RANBP17: variants seen among roughly 807,000 people sequenced by gnomAD.
The protein encoded by RANBP17 is RAN binding protein 17, also known as ran-binding protein 17.
RANBP17 carries 158 observed loss-of-function variants against 141.2 expected under a neutral mutation model. The observed-to-expected ratio is 1.12, with a 90% confidence interval of 0.98 to 1.28. The LOEUF (loss-of-function observed/expected upper bound fraction) is 1.28, where lower values mean the gene tolerates loss of function less well. RANBP17 is among the 50% of genes most tolerant of loss of function. RANBP17 has a pLI of 0.00. For missense variants in RANBP17, 1,438 were observed against 1,290.7 expected (o/e 1.11, Z -1.75); for synonymous variants, 430 against 450.0 (o/e 0.96, Z 0.56).
rs1019018624 is a variant in RANBP17, at chr5:171,065,123, T to G, written c.1710+96746T>G. Reference sequence around the variant, plus strand: ...TATTTCTTTTGGTGCATATATAGATTTACTTTTTATATTTATATCTCTGAT... The same window carrying G: ...TATTTCTTTTGGTGCATATATAGATGTACTTTTTATATTTATATCTCTGAT... On this transcript the variant is annotated intron_variant, in intron 14 of 27. Coordinates refer to ENST00000523189, the MANE Select transcript of RANBP17 (RefSeq NM_022897.5). Among the ~76,000 whole-genome samples, 5 of 152,200 alleles carry G rather than the reference T, an allele frequency of 3.3e-5. No homozygotes were observed. In the South Asian group the frequency reaches 8.3e-4, roughly 25 times the overall value.
At chr5:171,012,276 G>C (rs1300755606) in intron 14 of RANBP17, among the ~76,000 whole-genome samples, 2 of 151,986 alleles carry the variant, frequency 1.3e-5, no homozygotes, top group East Asian at 3.9e-4. Flanking sequence ...AAGTTCATAT[G>C]GTTATCCTGG....
At chr5:171,179,499 T>C (rs190354652) in intron 16 of RANBP17, among the ~76,000 whole-genome samples, 1 of 152,314 alleles carries the variant, frequency 6.6e-6, no homozygotes, top group Admixed American at 6.5e-5. Context: ...CATGTAATAT[T>C]GTCATCTGTG....
intron 6 of RANBP17, chr5:170,910,393 C>T (rs1771434080): frequency 1.3e-5 from 2 of 152,474 alleles, no homozygotes; most frequent in South Asian, 2.1e-4. Context: ...GGTTTAGTAA[C>T]ATGACAACTG....
At chr5:171,039,723 A>T (rs1311563751) in intron 14 of RANBP17, among the ~76,000 whole-genome samples, 2 of 152,154 alleles carry the variant, frequency 1.3e-5, no homozygotes, top group Non-Finnish European at 2.9e-5. Context: ...AATACAAAGG[A>T]TTCTCAGAGA....
chr5:171,166,405 G>A (rs1759699934), intron 14 of RANBP17, among the ~76,000 whole-genome samples: 1 of 150,860 alleles, frequency 6.6e-6, no homozygotes, highest in African/African-American at 2.4e-5. Flanking sequence ...AAGAGACAAG[G>A]AATCTGTGGA....
At chr5:171,083,379 A>G (rs887024046) in intron 14 of RANBP17, among the ~76,000 whole-genome samples, 2 of 152,152 alleles carry the variant, frequency 1.3e-5, no homozygotes, top group African/African-American at 4.8e-5. Context: ...GCAACCCAGA[A>G]GAGGGCCCTC....
At chr5:171,188,902 C>T (rs1428108374) in intron 18 of RANBP17, among the ~76,000 whole-genome samples, 1 of 152,084 alleles carries the variant, frequency 6.6e-6, no homozygotes, top group African/African-American at 2.4e-5. Context: ...AGCAAATTTG[C>T]TCTTATTTAG....
intron 25 of RANBP17, among the ~76,000 whole-genome samples, chr5:171,282,454 ATGTTGT>A (rs11269694): frequency 0.013 from 1,916 of 149,548 alleles, 30 homozygotes; most frequent in African/African-American, 0.032. Context: ...AGAAAGCTGC[ATGTTGT>A]TGTTGTTGTT....
At chr5:170,996,472 T>C (rs1035356629) in intron 14 of RANBP17, among the ~76,000 whole-genome samples, 1 of 152,158 alleles carries the variant, frequency 6.6e-6, no homozygotes, top group Non-Finnish European at 1.5e-5. Flanking sequence ...CTGTGTAAAA[T>C]AGCTTTTCAG....
intron 12 of RANBP17, among the ~76,000 whole-genome samples, chr5:170,932,001 A>G (rs1202142357): frequency 2.0e-5 from 3 of 152,110 alleles, no homozygotes; most frequent in African/African-American, 4.8e-5. Flanking sequence ...CTTGGGCAGT[A>G]TGGCCATTTT....
chr5:171,077,767 T>G (rs1785023548), intron 14 of RANBP17, among the ~76,000 whole-genome samples: 1 of 152,236 alleles, frequency 6.6e-6, no homozygotes, highest in South Asian at 2.1e-4. Context: ...AAAGTGCTAC[T>G]TCAGTGAACA....
chr5:171,012,053 ATTATTTGTTTAAACGAATATATTGT>A (rs1561986098), intron 14 of RANBP17, among the ~76,000 whole-genome samples: 8 of 133,672 alleles, frequency 6.0e-5, no homozygotes, highest in Middle Eastern at 4.2e-3. Flanking sequence ...AACAAATTAT[ATTATTTGTTTAAACGAATATATTGT>A]TTGTTTATTT....
At chr5:171,132,681 C>T (rs930331873) in intron 14 of RANBP17, among the ~76,000 whole-genome samples, 1 of 151,594 alleles carries the variant, frequency 6.6e-6, no homozygotes, top group Non-Finnish European at 1.5e-5. Flanking sequence ...CTGATCACAC[C>T]ACTGCACTCT....
intron 5 of RANBP17, chr5:170,904,291 G>T: frequency 3.9e-6 from 1 of 259,174 alleles, no homozygotes; most frequent in South Asian, 6.1e-5. Flanking sequence ...GGCTCTACAA[G>T]AAAAAAGCTC....
intron 5 of RANBP17, among the ~76,000 whole-genome samples, chr5:170,909,302 T>C (rs1184604572): frequency 6.6e-6 from 1 of 151,894 alleles, no homozygotes; most frequent in Non-Finnish European, 1.5e-5. Context: ...TTCTTATTCA[T>C]AGACAAAGTT....
At chr5:171,134,507 C>CAGTT (rs3083437) in intron 14 of RANBP17, among the ~76,000 whole-genome samples, 155 of 152,292 alleles carry the variant, frequency 1.0e-3, no homozygotes, top group African/African-American at 3.6e-3. Context: ...CAGGCATTAT[C>CAGTT]AGTTAAGTAA....
chr5:171,131,827 A>G (rs1756942296), intron 14 of RANBP17, among the ~76,000 whole-genome samples: 1 of 152,154 alleles, frequency 6.6e-6, no homozygotes, highest in African/African-American at 2.4e-5. Flanking sequence ...ATGATGGTAT[A>G]ACTATTTTGT....
At chr5:171,286,208 C>T (rs1327520823) in intron 25 of RANBP17, among the ~76,000 whole-genome samples, 1 of 152,142 alleles carries the variant, frequency 6.6e-6, no homozygotes, top group Admixed American at 6.5e-5. Flanking sequence ...GCATGCAGTG[C>T]TAATATATGA....
intron 14 of RANBP17, among the ~76,000 whole-genome samples, chr5:171,106,531 G>A (rs1754851557): frequency 6.6e-6 from 1 of 152,188 alleles, no homozygotes; most frequent in South Asian, 2.1e-4. Context: ...AGTCAGTTCA[G>A]AGGAGGAAAA....
Sources: gnomAD v4.1 joint callset for allele counts (sites outside exome capture counted in the v4.1 genomes callset) on GRCh38, gnomAD v4.1.1 for gene constraint, MANE v1.5 for transcripts, NCBI Gene and HGNC (gene_info 2026-07-23, HGNC 2026-07-21) for gene names.